EPHA6: variants seen among roughly 807,000 people sequenced by gnomAD.
EPHA6 encodes EPH receptor A6.
In EPHA6, 50 loss-of-function variants were observed where a neutral mutation model predicts 112.0. The observed-to-expected ratio is 0.45, with a 90% CI of 0.36 to 0.56. The LOEUF is 0.56. EPHA6 is among the 20% of genes least tolerant of loss of function. EPHA6 has a pLI of 0.00. For synonymous variants in EPHA6, 529 were observed against 490.7 expected, an observed-to-expected ratio of 1.08 and a Z score of -1.03; for missense variants, 1,280 against 1,417.4, an observed-to-expected ratio of 0.90 and a Z score of 1.56.
chr3:96,923,248 C>G (rs2039866185), intron 2 of EPHA6, among the ~76,000 whole-genome samples: 2 of 152,188 alleles, frequency 1.3e-5, no homozygotes, highest in Admixed American at 6.5e-5. Flanking sequence ...CTAATTTACA[C>G]TCCCACCAAC....
intron 5 of EPHA6, among the ~76,000 whole-genome samples, chr3:97,269,797 T>C (rs541248603): frequency 2.2e-4 from 33 of 152,338 alleles, no homozygotes; most frequent in Admixed American, 5.2e-4. Flanking sequence ...GGAAACAATA[T>C]ATTTTGTATC....
chr3:97,122,855 T>A (rs1006858268), intron 3 of EPHA6, among the ~76,000 whole-genome samples: 4 of 152,032 alleles, frequency 2.6e-5, no homozygotes, highest in Non-Finnish European at 2.9e-5. Context: ...GATATGTTGA[T>A]AAGGCAAATC....
intron 3 of EPHA6, among the ~76,000 whole-genome samples, chr3:97,072,880 A>G (rs1490400452): frequency 2.6e-5 from 4 of 152,016 alleles, no homozygotes; most frequent in African/African-American, 9.7e-5. Flanking sequence ...TCCCATTGGG[A>G]TAGTACCAGT....
chr3:97,657,270 A>T (rs866315363), intron 14 of EPHA6, among the ~76,000 whole-genome samples: 1 of 151,738 alleles, frequency 6.6e-6, no homozygotes, highest in Non-Finnish European at 1.5e-5. Context: ...AGATGAAACT[A>T]TGTTTACTTT....
chr3:96,819,334 CTTT>C (rs1243680431), intron 1 of EPHA6, among the ~76,000 whole-genome samples: 1 of 151,980 alleles, frequency 6.6e-6, no homozygotes, highest in Non-Finnish European at 1.5e-5. Context: ...CCTTTTGCTT[CTTT>C]GTTTCTTCAC....
intron 3 of EPHA6, among the ~76,000 whole-genome samples, chr3:97,019,860 G>A (rs1218615087): frequency 2.0e-5 from 3 of 152,030 alleles, no homozygotes; most frequent in Non-Finnish European, 4.4e-5. Context: ...TGTCTGTGAT[G>A]TTTACTGTGT....
At chr3:97,640,812 T>C (rs191472393) in intron 14 of EPHA6, among the ~76,000 whole-genome samples, 1 of 149,856 alleles carries the variant, frequency 6.7e-6, no homozygotes, top group East Asian at 1.9e-4. Context: ...ATTGAAACAG[T>C]GTAAAGAAAG....
intron 6 of EPHA6, among the ~76,000 whole-genome samples, chr3:97,420,218 A>G (rs1365911847): frequency 6.6e-6 from 1 of 152,084 alleles, no homozygotes; most frequent in Non-Finnish European, 1.5e-5. Flanking sequence ...ACTTCAAGTT[A>G]TAATAATGTC....
intron 16 of EPHA6, among the ~76,000 whole-genome samples, chr3:97,736,756 G>A (rs2035280763): frequency 6.6e-6 from 1 of 151,592 alleles, no homozygotes. Context: ...TCACCTCCCG[G>A]TGAAGAGCAA....
At chr3:96,946,526 A>G (rs951511423) in intron 2 of EPHA6, among the ~76,000 whole-genome samples, 25 of 152,194 alleles carry the variant, frequency 1.6e-4, no homozygotes, top group Admixed American at 7.2e-4. Context: ...ATGGCTGCAT[A>G]GTATTCCATG....
chr3:97,707,586 C>G (rs2033746067), intron 14 of EPHA6, among the ~76,000 whole-genome samples: 1 of 152,274 alleles, frequency 6.6e-6, no homozygotes, highest in East Asian at 1.9e-4. Context: ...TAAATTTTCT[C>G]AACTATGAAC....
intron 3 of EPHA6, among the ~76,000 whole-genome samples, chr3:97,043,889 C>G (rs1473706620): frequency 6.6e-6 from 1 of 152,104 alleles, no homozygotes; most frequent in Non-Finnish European, 1.5e-5. Flanking sequence ...AGACCCTGCC[C>G]AAAAGCCCTG....
chr3:96,926,923 G>A (rs181007447), intron 2 of EPHA6, among the ~76,000 whole-genome samples: 1 of 152,292 alleles, frequency 6.6e-6, no homozygotes, highest in East Asian at 1.9e-4. Context: ...ACTAGGCAGT[G>A]CCCCAGTAGG....
At chr3:97,444,392 A>T (rs1000310570) in intron 6 of EPHA6, among the ~76,000 whole-genome samples, 1 of 152,130 alleles carries the variant, frequency 6.6e-6, no homozygotes, top group Non-Finnish European at 1.5e-5. Flanking sequence ...ATGAGGAATG[A>T]TGACAATGAT....
chr3:97,243,041 A>T (rs2078892640), intron 4 of EPHA6, among the ~76,000 whole-genome samples: 1 of 151,842 alleles, frequency 6.6e-6, no homozygotes, highest in African/African-American at 2.4e-5. Flanking sequence ...TCAGATAAGT[A>T]TATAGGATTA....
At chr3:97,315,182 T>A (rs2081761208) in intron 5 of EPHA6, among the ~76,000 whole-genome samples, 2 of 151,674 alleles carry the variant, frequency 1.3e-5, no homozygotes, top group Admixed American at 1.3e-4. Flanking sequence ...GATGCAGATA[T>A]TTTAAAAACA....
intron 17 of EPHA6, among the ~76,000 whole-genome samples, 155 bp from the exon 18 acceptor site, chr3:97,748,432 G>T (rs1471781585): frequency 6.6e-6 from 1 of 151,942 alleles, no homozygotes; most frequent in African/African-American, 2.4e-5. Flanking sequence ...ACTATTTTTG[G>T]TAACTGTGGC....
intron 3 of EPHA6, among the ~76,000 whole-genome samples, chr3:97,000,770 TG>T (rs2043624260): frequency 6.6e-6 from 1 of 151,532 alleles, no homozygotes; most frequent in African/African-American, 2.4e-5. Flanking sequence ...TTTTCTTTTT[TG>T]AACAGTAGGC....
At chr3:97,341,755 T>C (rs553014511) in intron 5 of EPHA6, among the ~76,000 whole-genome samples, 8 of 152,318 alleles carry the variant, frequency 5.3e-5, no homozygotes, top group African/African-American at 1.9e-4. Flanking sequence ...CTTGCTTTGG[T>C]GATACAGTAG....
Sources: allele counts gnomAD v4.1 joint callset (sites outside exome capture counted in the v4.1 genomes callset), GRCh38; gene constraint gnomAD v4.1.1; transcripts MANE v1.5; gene names NCBI Gene and HGNC (gene_info 2026-07-23, HGNC 2026-07-21).